Variants in CEP97 observed in about 807,000 individuals in gnomAD.
CEP97 encodes centrosomal protein 97.
A neutral mutation model predicts 73.1 loss-of-function variants in CEP97; 43 were observed. The observed-to-expected ratio is 0.59, with a 90% CI of 0.46 to 0.76. CEP97 has a LOEUF of 0.76. Ranked by LOEUF, CEP97 falls within the 30% of genes least tolerant of loss-of-function variation. The probability of loss-of-function intolerance (pLI) is 0.00; values close to 1 mark genes in which losing one functional copy is unlikely to be tolerated. For synonymous variants in CEP97, 337 were observed against 370.0 expected (o/e 0.91, Z 1.02); for missense variants, 939 against 1,014.0 (o/e 0.93, Z 1.00).
chr3:101,733,781 C>T (rs1342361778), intron 6 of CEP97, among the ~76,000 whole-genome samples: 3 of 152,142 alleles, frequency 2.0e-5, no homozygotes, highest in African/African-American at 7.2e-5. Flanking sequence ...CCACCCGCCT[C>T]GGCCTCCCAA....
rs1939398052 is a variant in CEP97, at chr3:101,769,274, GA to G, written c.*3725del. On this transcript the variant is annotated 3_prime_UTR_variant, in exon 11 of 11. Transcript: ENST00000341893. The stretch of plus-strand genomic sequence containing the variant: ...GATGGTAAAAAGAAAAAAATAGAAT[GA>G]ATATGATCATTTCTCCATCATAAAG... The G allele has an allele frequency of 6.6e-6, 1 of 150,904 alleles. No individual in the cohort carries two copies. The allele number at this position is 150,904 out of a possible 1,614,324, so 9.3% of individuals were successfully genotyped here.
In CEP97 at chr3:101,727,535, T is replaced by C. The variant is rs1937935565; in HGVS notation, c.339T>C (p.Asn113=). The change falls in exon 3 of 11, where the codon AAT becomes AAC. Residue 113 remains asparagine (N), a synonymous_variant. Transcript: ENST00000341893. ...HLEWLNLAGN[N]LKAMEQINSC... is the part of the protein sequence containing the mutation. ...AATGGCTGAATTTGGCAGGAAATAATCTTAAGGTGAATGGTTTCTTTTTTG... is the reference window on the plus strand; with the variant it reads ...AATGGCTGAATTTGGCAGGAAATAACCTTAAGGTGAATGGTTTCTTTTTTG... 6.2e-7 allele frequency: 1 copy of C among 1,603,780 alleles called. No homozygotes were observed. The highest frequency in any genetic ancestry group is 1.7e-5 in the Admixed American group (1 of 58,060).
chr3:101,756,259 A>G (rs1939001923), intron 7 of CEP97, among the ~76,000 whole-genome samples: 1 of 151,934 alleles, frequency 6.6e-6, no homozygotes, highest in Non-Finnish European at 1.5e-5. Context: ...GGTTTTTGCC[A>G]TGTTAGCCAG....
At chr3:101,763,585 T>C (rs1939227246) in intron 10 of CEP97, among the ~76,000 whole-genome samples, 1 of 152,126 alleles carries the variant, frequency 6.6e-6, no homozygotes. Flanking sequence ...AGTAATTACC[T>C]TGGGCGGGGG....
intron 6 of CEP97, among the ~76,000 whole-genome samples, chr3:101,751,672 C>T (rs1164723484): frequency 6.6e-6 from 1 of 152,082 alleles, no homozygotes; most frequent in East Asian, 1.9e-4. Flanking sequence ...ATGTAATGAC[C>T]TTCTTTGTCT....
intron 1 of CEP97, among the ~76,000 whole-genome samples, chr3:101,725,882 T>G (rs1161716883): frequency 6.6e-6 from 1 of 151,830 alleles, no homozygotes; most frequent in Non-Finnish European, 1.5e-5. Context: ...TTTTTGTTTT[T>G]TTTTTTACAT....
intron 4 of CEP97, among the ~76,000 whole-genome samples, chr3:101,731,112 G>A (rs1382193192): frequency 1.3e-5 from 2 of 151,102 alleles, no homozygotes; most frequent in Admixed American, 1.3e-4. Flanking sequence ...TAGTTACCTA[G>A]AGAATACAGT....
rs1202837363 is a variant in CEP97 at position 101,765,317 on chromosome 3, GACCAATTTTGAT to G, written c.2367_2378del (p.Asn790_Thr793del). 6.2e-7 allele frequency: 1 copy of G among 1,614,120 alleles called. No homozygotes were observed. Among genetic ancestry groups the G allele is most frequent in the Admixed American group, 1.7e-5 (1 of 60,022 alleles). On this transcript the variant is annotated inframe_deletion, in exon 11 of 11. Coordinates refer to ENST00000341893, the MANE Select transcript of CEP97 (RefSeq NM_024548.4). ...AACAGCTGGAAGATGCTGATGAGAG[GACCAATTTTGAT>G]ACAGAGACAAGAGATAGCAAACTTC...
At chr3:101,761,068 T>C (rs1455751196) in intron 9 of CEP97, among the ~76,000 whole-genome samples, 1 of 151,898 alleles carries the variant, frequency 6.6e-6, no homozygotes, top group Non-Finnish European at 1.5e-5. Context: ...GGTTTCACCA[T>C]GTAGGCCAGG....
At chr3:101,731,454 G>T (rs551967135) in intron 4 of CEP97, among the ~76,000 whole-genome samples, 1 of 152,032 alleles carries the variant, frequency 6.6e-6, no homozygotes, top group East Asian at 1.9e-4. Context: ...TCCCTCCTTG[G>T]CCTCCCAAAA....
intron 6 of CEP97, among the ~76,000 whole-genome samples, chr3:101,749,249 G>A (rs1456622052): frequency 6.6e-6 from 1 of 150,524 alleles, no homozygotes; most frequent in Non-Finnish European, 1.5e-5. Flanking sequence ...GCGGTGTTTG[G>A]ATTTTTGTCC....
chr3:101,754,042 CTTTTTTTTTTTTT>C (rs35323976), intron 6 of CEP97, among the ~76,000 whole-genome samples: 1 of 75,472 alleles, frequency 1.3e-5, no homozygotes, highest in Non-Finnish European at 2.3e-5. Context: ...ATTTGGCCAT[CTTTTTTTTTTTTT>C]TTTTTTTTTT....
At position 101,726,635 on chromosome 3, in the gene CEP97, G is replaced by A. The variant is rs772663334; in HGVS notation, c.85G>A (p.Gly29Ser). The A allele has an allele frequency of 2.5e-6, 4 of 1,611,274 alleles. No homozygotes were observed. Among genetic ancestry groups the A allele is most frequent in the Non-Finnish European group, 3.4e-6 (4 of 1,178,304 alleles). The stretch of plus-strand genomic sequence containing the variant: ...GTCAGGACAGGGACTACAGAAATTA[G>A]GTCCAAATTTACCCTGTGAAGCTGA... ...NWSGQGLQKLGPNLPCEADIH... is the reference protein window; with the variant it reads ...NWSGQGLQKLSPNLPCEADIH... Residue 29 changes from glycine (G) to serine (S), a missense_variant, in exon 2 of 11, where the codon GGT (glycine) becomes AGT (serine). By Grantham distance (56) the Gly-to-Ser change is moderately conservative (BLOSUM62 0). Coordinates refer to ENST00000341893, the MANE Select transcript of CEP97 (RefSeq NM_024548.4).
chr3:101,727,166 T>C (rs1282934797), intron 2 of CEP97, among the ~76,000 whole-genome samples: 1 of 152,152 alleles, frequency 6.6e-6, no homozygotes, highest in South Asian at 2.1e-4. Context: ...TTAGAGGAGG[T>C]CTGATCGCTC....
chr3:101,729,323 G>A (rs1938016632), intron 4 of CEP97, among the ~76,000 whole-genome samples: 1 of 145,910 alleles, frequency 6.9e-6, no homozygotes, highest in Admixed American at 6.8e-5. Context: ...GGGCAATAGA[G>A]TGAGACTCAG....
At chr3:101,756,283 T>G (rs1201566143) in intron 7 of CEP97, among the ~76,000 whole-genome samples, 1 of 152,036 alleles carries the variant, frequency 6.6e-6, no homozygotes, top group Non-Finnish European at 1.5e-5. Context: ...GGTCTTGAAC[T>G]CCTAACCTCA....
chr3:101,732,644 C>T lies in CEP97; in HGVS notation c.718C>T (p.Gln240Ter), dbSNP rs749832127. ...AGTCCTAGATGGATATGTGATTTCT[C>T]AGAAGGAAAGGTAAACATGTGCTCT... The part of the protein sequence containing the change: ...LRVLDGYVIS[Q>*]KESLKAEWLY... Residue 240 changes from glutamine to a stop codon, truncating the protein, a stop_gained, in exon 6 of 11, where the codon CAG (glutamine) becomes TAG (stop). Transcript: ENST00000341893. LOFTEE classifies it high-confidence loss of function. 3 of 1,604,588 alleles carry T rather than the reference C, an allele frequency of 1.9e-6. No homozygotes were observed. Among genetic ancestry groups the T allele is most frequent in the Non-Finnish European group, 1.7e-6 (2 of 1,173,744 alleles).
chr3:101,729,059 A>G, intron 4 of CEP97, 122 bp downstream of exon 4: 1 of 638,136 alleles, frequency 1.6e-6, no homozygotes, highest in Non-Finnish European at 2.8e-6. Context: ...GATAAGAATT[A>G]TGGGCTGGGC....
At chr3:101,729,685 A>G (rs1359615957) in intron 4 of CEP97, among the ~76,000 whole-genome samples, 2 of 152,040 alleles carry the variant, frequency 1.3e-5, no homozygotes, top group East Asian at 3.9e-4. Context: ...CTCTCACCTT[A>G]GCCTCCCAAG....
Sources: allele counts gnomAD v4.1 joint callset (sites outside exome capture counted in the v4.1 genomes callset), GRCh38; gene constraint gnomAD v4.1.1; transcripts MANE v1.5; gene names NCBI Gene and HGNC (gene_info 2026-07-23, HGNC 2026-07-21).